The following KCNK5 variants were observed in gnomAD, a reference collection of about 807,000 sequenced individuals.
KCNK5 encodes potassium channel subfamily K member 5.
In KCNK5, 18 loss-of-function variants were observed where a neutral mutation model predicts 32.9. That is an observed-to-expected ratio of 0.55 (90% CI 0.38 to 0.81). The LOEUF is 0.81. Among genes scored for constraint, KCNK5 ranks in the 30% least tolerant of loss-of-function variants. The pLI is 0.00. For missense variants in KCNK5, 507 were observed against 651.0 expected (o/e 0.78, Z 2.41); for synonymous variants, 276 against 275.3 (o/e 1.00, Z -0.03).
intron 1 of KCNK5, among the ~76,000 whole-genome samples, chr6:39,204,346 C>A (rs972716684): frequency 1.3e-5 from 2 of 152,230 alleles, no homozygotes; most frequent in African/African-American, 4.8e-5. Flanking sequence ...CTCGAAGAAT[C>A]TTTGATTGCT....
In KCNK5 at chr6:39,190,940, C is replaced by G. The variant is rs539017498; in HGVS notation, c.1450G>C (p.Glu484Gln). 5 of 1,496,962 alleles carry G rather than the reference C, an allele frequency of 3.3e-6. No individual in the cohort carries two copies. In the African/African-American group the frequency reaches 7.0e-5, roughly 21 times the overall value. The allele number at this position is 1,496,962 out of a possible 1,614,324, so 92.7% of individuals were successfully genotyped here. Reference protein sequence around the residue: ...STESELSVPYEQLMNEYNKAN... With the variant: ...STESELSVPYQQLMNEYNKAN... ...TTGTTGTACTCATTCATCAGCTGTT[C>G]GTAAGGCACAGAGAGCTCAGACTCA... The change falls in exon 5 of 5, where the codon GAA (glutamate) becomes CAA (glutamine). Residue 484 changes from glutamate (E) to glutamine (Q), a missense_variant. This residue lies in a region of KCNK5 where 252 missense variants were observed against 250.8 expected (regional missense o/e 1.00). Coordinates refer to ENST00000359534, the MANE Select transcript of KCNK5 (RefSeq NM_003740.4).
In KCNK5 at chr6:39,191,183, C is replaced by A. The variant is rs779276626; in HGVS notation, c.1207G>T (p.Glu403Ter). Reference sequence around the variant, plus strand: ...TGGTAGTCCTGGGCGTCCCATGGCTCGCATTCCTCGCTGATGCGGTCCAGC... The same window carrying A: ...TGGTAGTCCTGGGCGTCCCATGGCTAGCATTCCTCGCTGATGCGGTCCAGC... ...NQLDRISEEC[E>*]PWDAQDYHPL... The change falls in exon 5 of 5, where the codon GAG (glutamate) becomes TAG (stop). Residue 403 changes from glutamate (E) to a stop codon, truncating the protein, a stop_gained. Transcript: ENST00000359534. LOFTEE classifies it high-confidence loss of function. This position sits in a 1 kb window ranked among gnomAD's most constrained non-coding sequence, Gnocchi z 5.8. The A allele has an allele frequency of 6.2e-7, 1 of 1,614,202 alleles. No homozygotes were observed. The highest frequency in any genetic ancestry group is 1.1e-5 in the South Asian group (1 of 91,082).
intron 1 of KCNK5, among the ~76,000 whole-genome samples, chr6:39,228,342 G>A (rs1771709389): frequency 6.6e-6 from 1 of 152,196 alleles, no homozygotes; most frequent in Admixed American, 6.5e-5. Context: ...CAGCATTCCA[G>A]GCACCAGCCC....
intron 1 of KCNK5, among the ~76,000 whole-genome samples, chr6:39,210,797 G>T (rs574073707): frequency 1.3e-5 from 2 of 152,180 alleles, no homozygotes; most frequent in Non-Finnish European, 2.9e-5. Flanking sequence ...GCGAGGCCAG[G>T]ACAGTCCCAG....
chr6:39,198,821 T>C (rs1224099545), intron 1 of KCNK5, among the ~76,000 whole-genome samples: 1 of 152,100 alleles, frequency 6.6e-6, no homozygotes, highest in Admixed American at 6.6e-5. Flanking sequence ...GGAGATGGGG[T>C]GGCTGTTTTG....
Position 39,194,499 on chromosome 6 carries a change from T to G in KCNK5, c.465+95A>C. The G allele has an allele frequency of 6.7e-7, 1 of 1,488,130 alleles. No individual in the cohort carries two copies. Among genetic ancestry groups the G allele is most frequent in the Non-Finnish European group, 9.2e-7 (1 of 1,091,172 alleles). The allele number at this position is 1,488,130 out of a possible 1,614,324, so 92.2% of individuals were successfully genotyped here. A position where few individuals can be genotyped will look rare whatever the true frequency, so the allele number is the denominator to read the frequency against. ...GAAACTATCCTCTTGCCATCTGTCC[T>G]TACACCCTTGGTCCAATTCCTAGAG... On this transcript the variant is annotated intron_variant, in intron 3 of 4. Transcript: ENST00000359534. This position sits in a 1 kb window ranked among gnomAD's most constrained non-coding sequence, Gnocchi z 4.7.
At chr6:39,223,819 G>T (rs1019864856) in intron 1 of KCNK5, among the ~76,000 whole-genome samples, 3 of 152,090 alleles carry the variant, frequency 2.0e-5, no homozygotes, top group Non-Finnish European at 1.5e-5. Flanking sequence ...CAAAACCGGG[G>T]GATTTTGTTT....
intron 1 of KCNK5, among the ~76,000 whole-genome samples, chr6:39,216,007 G>T (rs1186020689): frequency 6.6e-6 from 1 of 152,242 alleles, no homozygotes; most frequent in Non-Finnish European, 1.5e-5. Context: ...ATGGGGCCGG[G>T]CGTGGTGGCT....
At position 39,191,000 on chromosome 6, in the gene KCNK5, A is replaced by G; in HGVS notation, c.1390T>C (p.Phe464Leu). ...AAGGTGGACTCGGAGGAGGAGGGGA[A>G]CTCGCCCATGTTCAGGGGCGCCTTG... is the stretch of plus-strand genomic sequence containing the variant. ...EAKAPLNMGEFPSSSESTFTS... is the reference protein window; with the variant it reads ...EAKAPLNMGELPSSSESTFTS... The change falls in exon 5 of 5, where the codon TTC becomes CTC. Residue 464 changes from phenylalanine to leucine, a missense_variant. Coordinates refer to ENST00000359534, the MANE Select transcript of KCNK5 (RefSeq NM_003740.4). 2 of 1,581,702 alleles carry G rather than the reference A, an allele frequency of 1.3e-6. No homozygotes were observed. Among genetic ancestry groups the G allele is most frequent in the Non-Finnish European group, 1.7e-6 (2 of 1,165,196 alleles).
rs540520146 is a variant in KCNK5, at chr6:39,229,411, A to G, written c.-300T>C. Reference sequence around the variant, plus strand: ...AGGAGCGGGAAGAACACAGGACTTGACTCTGGGCAGACACGTGGGCCGCTT... The same window carrying G: ...AGGAGCGGGAAGAACACAGGACTTGGCTCTGGGCAGACACGTGGGCCGCTT... On this transcript the variant is annotated 5_prime_UTR_variant, in exon 1 of 5. Coordinates refer to ENST00000359534, the MANE Select transcript of KCNK5 (RefSeq NM_003740.4). The G allele has an allele frequency of 1.9e-4, 80 of 413,824 alleles. 2 individuals carry two copies. In the South Asian group the frequency reaches 2.1e-3, roughly 11 times the overall value. 25.6% of individuals were successfully genotyped at this position (413,824 alleles called of 1,614,324 possible).
At chr6:39,224,205 G>A (rs888878591) in intron 1 of KCNK5, among the ~76,000 whole-genome samples, 20 of 150,458 alleles carry the variant, frequency 1.3e-4, no homozygotes, top group African/African-American at 4.7e-4. Context: ...TTCCACTTCT[G>A]CAGTCCTAGC....
intron 1 of KCNK5, among the ~76,000 whole-genome samples, chr6:39,227,369 C>A (rs1338948227): frequency 6.6e-6 from 1 of 152,060 alleles, no homozygotes; most frequent in Non-Finnish European, 1.5e-5. Flanking sequence ...CATAAAGCAA[C>A]CCCCTCCCCA....
In KCNK5 at chr6:39,213,181, A is replaced by G. The variant is rs531742749; in HGVS notation, c.186+15745T>C. 3.3e-5 allele frequency among the ~76,000 whole-genome samples: 5 copies of G among 152,342 alleles called. No individual in the cohort carries two copies. The South Asian group carries it at 1.0e-3, about 32-fold the overall frequency. On this transcript the variant is annotated intron_variant, in intron 1 of 4. Transcript: ENST00000359534. Reference sequence around the variant, plus strand: ...TTCTGCTAAAACCAGATGTTTGTATACCTCACACATTAAAAATAACCAGTG... The same window carrying G: ...TTCTGCTAAAACCAGATGTTTGTATGCCTCACACATTAAAAATAACCAGTG...
chr6:39,192,569 T>C (rs887534674), intron 4 of KCNK5, among the ~76,000 whole-genome samples: 1 of 152,196 alleles, frequency 6.6e-6, no homozygotes, highest in African/African-American at 2.4e-5. Flanking sequence ...TAGGTTGAGA[T>C]GACCCAGGAA....
At chr6:39,210,294 T>G (rs1293691280) in intron 1 of KCNK5, among the ~76,000 whole-genome samples, 2 of 152,088 alleles carry the variant, frequency 1.3e-5, no homozygotes, top group Non-Finnish European at 2.9e-5. Flanking sequence ...CAGGACACAG[T>G]CCCTTGGCCC....
In KCNK5 at chr6:39,219,106, G is replaced by C. The variant is rs1315951290; in HGVS notation, c.186+9820C>G. Among the ~76,000 whole-genome samples the C allele has an allele frequency of 1.4e-4, 21 of 152,308 alleles. 1 individual carries two copies. The highest frequency in any genetic ancestry group is 1.2e-3 in the East Asian group (6 of 5,166). ...AACCACGGCTGCCCTCCAGCACCAA[G>C]GGCAGACCTGCTCAGTGTACTCTTG... On this transcript the variant is annotated intron_variant, in intron 1 of 4. Coordinates refer to ENST00000359534, the MANE Select transcript of KCNK5 (RefSeq NM_003740.4).
In KCNK5 at chr6:39,229,098, C is replaced by G. The variant is rs769010432; in HGVS notation, c.14G>C (p.Gly5Ala). 1 of 1,613,902 alleles carries G rather than the reference C, an allele frequency of 6.2e-7. No individual in the cohort carries two copies. The part of the protein sequence containing the change: MVDR[G>A]PLLTSAIIFY... ...GATGATGGCCGAGGTGAGCAGAGGG[C>G]CCCGGTCCACCATGGCTCCCGAGCG... The change falls in exon 1 of 5, where the codon GGC becomes GCC. Residue 5 changes from glycine (G) to alanine (A), a missense_variant. Around this residue, in one of 6 missense-constraint regions of KCNK5, gnomAD observed 143 missense variants for 219.1 expected, o/e 0.65. Transcript: ENST00000359534.
At chr6:39,192,443 G>A (rs545775762) in intron 4 of KCNK5, among the ~76,000 whole-genome samples, 10 of 152,172 alleles carry the variant, frequency 6.6e-5, no homozygotes, top group South Asian at 2.1e-4. Flanking sequence ...GCTGTTCTGC[G>A]TATATGATAC....
Position 39,229,191 on chromosome 6 carries a change from A to C in KCNK5, c.-80T>G. The C allele has an allele frequency of 6.9e-7, 1 of 1,446,130 alleles. No homozygotes were observed. The highest frequency in any genetic ancestry group is 9.5e-7 in the Non-Finnish European group (1 of 1,054,850). The allele number at this position is 1,446,130 out of a possible 1,614,324, so 89.6% of individuals were successfully genotyped here. A position where few individuals can be genotyped will look rare whatever the true frequency, so the allele number is the denominator to read the frequency against. ...AGTCCGCCCGCCCTCCAGCCTCTGA[A>C]AACAGCTGTTTGAATTTGGAGCTCC... On this transcript the variant is annotated 5_prime_UTR_variant, in exon 1 of 5. Coordinates refer to ENST00000359534, the MANE Select transcript of KCNK5 (RefSeq NM_003740.4).
Sources: allele counts gnomAD v4.1 joint callset (sites outside exome capture counted in the v4.1 genomes callset), GRCh38; gene constraint gnomAD v4.1.1; regional missense constraint gnomAD v4.1.1; non-coding constraint Gnocchi (gnomAD v3.1); transcripts MANE v1.5; gene names NCBI Gene and HGNC (gene_info 2026-07-23, HGNC 2026-07-21).